ABCC12: variants seen among roughly 807,000 people sequenced by gnomAD.
The protein encoded by ABCC12 is ATP-binding cassette sub-family C member 12.
ABCC12 carries 142 observed loss-of-function variants against 151.1 expected under a neutral mutation model. The ratio of observed to expected loss-of-function variants is 0.94; its 90% CI spans 0.82 to 1.08. ABCC12 has a LOEUF of 1.08. Among genes scored for constraint, ABCC12 ranks in the 50% least tolerant of loss-of-function variants. ABCC12 has a pLI of 0.00. For missense variants in ABCC12, 1,638 were observed against 1,691.1 expected, an observed-to-expected ratio of 0.97 and a Z score of 0.55; for synonymous variants, 645 against 646.4, an observed-to-expected ratio of 1.00 and a Z score of 0.03.
intron 15 of ABCC12, among the ~76,000 whole-genome samples, chr16:48,113,308 C>T (rs1179416231): frequency 6.6e-6 from 1 of 152,228 alleles, no homozygotes; most frequent in African/African-American, 2.4e-5. Context: ...CCTGTCTTAT[C>T]AGCTGATTTT....
At position 48,111,797 on chromosome 16, in the gene ABCC12, G is replaced by C. The variant is rs752327593; in HGVS notation, c.2103C>G (p.Asn701Lys). ...TTACCTTGAACTGCAATCCTCGCAG[G>C]TTGTGAATCAGTTTTGCATAGCGCC... is the stretch of plus-strand genomic sequence containing the variant. ...ERGRYAKLIH[N>K]LRGLQFKDPE... Residue 701 changes from asparagine (N) to lysine (K), a missense_variant, in exon 16 of 31, where the codon AAC (asparagine) becomes AAG (lysine). By Grantham distance (94) the Asn-to-Lys change is moderately conservative (BLOSUM62 0). Coordinates refer to ENST00000311303, the MANE Select transcript of ABCC12 (RefSeq NM_001393797.1). 3.7e-6 allele frequency: 6 copies of C among 1,614,120 alleles called. 1 individual carries two copies. The South Asian group carries it at 6.6e-5, about 18-fold the overall frequency.
intron 26 of ABCC12, among the ~76,000 whole-genome samples, chr16:48,088,286 C>T (rs1479894802): frequency 6.6e-6 from 1 of 152,154 alleles, no homozygotes; most frequent in Non-Finnish European, 1.5e-5. Flanking sequence ...CTTGCAGGGG[C>T]CCTTAGCACA....
At chr16:48,150,126 A>G (rs543679399) in intron 2 of ABCC12, among the ~76,000 whole-genome samples, 2 of 152,324 alleles carry the variant, frequency 1.3e-5, no homozygotes, top group South Asian at 2.1e-4. Context: ...GCAGTCAGAT[A>G]CAGAGTGGCC....
intron 18 of ABCC12, among the ~76,000 whole-genome samples, chr16:48,110,180 T>A (rs1178558017): frequency 6.6e-6 from 1 of 152,200 alleles, no homozygotes; most frequent in Non-Finnish European, 1.5e-5. Flanking sequence ...TGTGCGTGCA[T>A]TTGTCACAAG....
rs753873505 is a variant in ABCC12 at position 48,088,666 on chromosome 16, C to T, written c.3354G>A (p.Gly1118=). Residue 1118 remains glycine (G), a synonymous_variant, in exon 26 of 31, where the codon GGG becomes GGA. Coordinates refer to ENST00000311303, the MANE Select transcript of ABCC12 (RefSeq NM_001393797.1). ...TCTGATAGTCTCTGAAGGTGATCTCCCCACGGCTGGGCCAGTCCTTGGGAC... is the reference window on the plus strand; with the variant it reads ...TCTGATAGTCTCTGAAGGTGATCTCTCCACGGCTGGGCCAGTCCTTGGGAC... ...GTCPKDWPSR[G]EITFRDYQMR... 1.6e-5 allele frequency: 26 copies of T among 1,614,072 alleles called. 1 individual carries two copies. The South Asian group carries it at 2.5e-4, about 16-fold the overall frequency.
chr16:48,089,338 A>G (rs1962779421), intron 25 of ABCC12, among the ~76,000 whole-genome samples: 1 of 152,248 alleles, frequency 6.6e-6, no homozygotes, highest in South Asian at 2.1e-4. Context: ...GCAGAACTCA[A>G]CCAGATATAA....
In ABCC12 at chr16:48,140,753, C is replaced by G; in HGVS notation, c.591G>C (p.Ala197=). The G allele has an allele frequency of 6.2e-7, 1 of 1,614,168 alleles. No individual in the cohort carries two copies. The highest frequency in any genetic ancestry group is 1.1e-5 in the South Asian group (1 of 91,084). ...NYRTAIRLKV[A]LSTLVFENLV... is the part of the protein sequence containing the mutation. Reference sequence around the variant, plus strand: ...GGTTTTCAAAAACCAAGGTGGAGAGCGCCACCTTCAACCGGATGGCCGTGC... The same window carrying G: ...GGTTTTCAAAAACCAAGGTGGAGAGGGCCACCTTCAACCGGATGGCCGTGC... Residue 197 remains alanine, a synonymous_variant, in exon 6 of 31, where the codon GCG becomes GCC. Transcript: ENST00000311303.
chr16:48,119,282 C>T (rs1188971617), intron 13 of ABCC12, among the ~76,000 whole-genome samples: 1 of 152,236 alleles, frequency 6.6e-6, no homozygotes, highest in Non-Finnish European at 1.5e-5. Flanking sequence ...TGGCTCATTC[C>T]TCCCTGGTGC....
In ABCC12 at chr16:48,084,026, G is replaced by A. The variant is rs1227598547; in HGVS notation, c.3876C>T (p.Asp1292=). 1.9e-6 allele frequency: 3 copies of A among 1,612,696 alleles called. No individual in the cohort carries two copies. Among genetic ancestry groups the A allele is most frequent in the Non-Finnish European group, 2.5e-6 (3 of 1,179,720 alleles). ...EATASMDSKT[D]TLVQNTIKDA... ...CTTTGATGGTGTTCTGAACCAGGGTGTCAGTCTTGGAGTCCATAGAGGCGG... is the reference window on the plus strand; with the variant it reads ...CTTTGATGGTGTTCTGAACCAGGGTATCAGTCTTGGAGTCCATAGAGGCGG... Residue 1292 remains aspartate, a synonymous_variant, in exon 30 of 31, where the codon GAC becomes GAT. Transcript: ENST00000311303.
intron 23 of ABCC12, among the ~76,000 whole-genome samples, chr16:48,099,210 G>C (rs1180564149): frequency 3.9e-5 from 6 of 152,104 alleles, no homozygotes; most frequent in African/African-American, 1.4e-4. Flanking sequence ...TTGAGGTCAG[G>C]AGTTTGAGAC....
At chr16:48,116,723 G>A (rs1963896100) in intron 14 of ABCC12, among the ~76,000 whole-genome samples, 3 of 152,168 alleles carry the variant, frequency 2.0e-5, no homozygotes, top group Admixed American at 1.3e-4. Flanking sequence ...CTCCTCTGGG[G>A]CTCCTGGGCA....
chr16:48,151,395 T>A (rs1418303104), intron 2 of ABCC12, among the ~76,000 whole-genome samples: 1 of 152,128 alleles, frequency 6.6e-6, no homozygotes, highest in Non-Finnish European at 1.5e-5. Context: ...AAGGGGCACC[T>A]AAGGAGACCT....
Position 48,140,922 on chromosome 16 carries a change from T to G in ABCC12, c.424-2A>C. 1 of 1,612,654 alleles carries G rather than the reference T, an allele frequency of 6.2e-7. No homozygotes were observed. Among genetic ancestry groups the G allele is most frequent in the East Asian group, 2.2e-5 (1 of 44,858 alleles). Reference sequence around the variant, plus strand: ...GAGGATTTGGTGAATGAGAACTGTCTGTAAAACAGCATGGTGGGGAGAAGA... The same window carrying G: ...GAGGATTTGGTGAATGAGAACTGTCGGTAAAACAGCATGGTGGGGAGAAGA... On this transcript the variant is annotated splice_acceptor_variant, in intron 5 of 30. Coordinates refer to ENST00000311303, the MANE Select transcript of ABCC12 (RefSeq NM_001393797.1). LOFTEE classifies it high-confidence loss of function.
At position 48,124,229 on chromosome 16, in the gene ABCC12, G is replaced by A; in HGVS notation, c.1571C>T (p.Ala524Val). The change falls in exon 12 of 31, where the codon GCA becomes GTA. Residue 524 changes from alanine to valine, a missense_variant. Ala to Val is a moderately conservative substitution (Grantham distance 64). Transcript: ENST00000311303. ...ACAGCTTACCTGTCCTAGGAGAGCT[G>A]CAAGGAGGGAGCTCTTTCCACTTCC... The part of the protein sequence containing the change: ...NVGSGKSSLL[A>V]ALLGQMQLQK... 6.2e-7 allele frequency: 1 copy of A among 1,614,152 alleles called. No homozygotes were observed. Among genetic ancestry groups the A allele is most frequent in the Non-Finnish European group, 8.5e-7 (1 of 1,179,986 alleles).
intron 12 of ABCC12, 95 bp from the exon 13 acceptor site, chr16:48,121,935 C>T (rs972683839): frequency 3.8e-6 from 6 of 1,563,138 alleles, no homozygotes; most frequent in Non-Finnish European, 5.2e-6. Context: ...ATTCCACAAG[C>T]ATTGGTTATG....
intron 24 of ABCC12, among the ~76,000 whole-genome samples, chr16:48,092,880 A>G (rs541926400): frequency 1.3e-5 from 2 of 152,286 alleles, no homozygotes; most frequent in East Asian, 1.9e-4. Context: ...CTCTAGTAAG[A>G]AGCAAGCGGT....
Position 48,128,440 on chromosome 16 carries a change from C to G in ABCC12, c.1515+19G>C, listed in dbSNP as rs755181581. 2.1e-5 allele frequency: 34 copies of G among 1,611,666 alleles called. No homozygotes were observed. The highest frequency in any genetic ancestry group is 1.7e-4 in the Middle Eastern group (1 of 6,018). ...CAAGGAGGAGGGCTGGAGGCCACAC[C>G]TGTGCAACACACACCCACCTTTCTC... On this transcript the variant is annotated intron_variant, in intron 11 of 30. Coordinates refer to ENST00000311303, the MANE Select transcript of ABCC12 (RefSeq NM_001393797.1).
At chr16:48,130,048 A>C (rs2150653523) in intron 10 of ABCC12, among the ~76,000 whole-genome samples, 1 of 152,328 alleles carries the variant, frequency 6.6e-6, no homozygotes, top group South Asian at 2.1e-4. Flanking sequence ...GAGTGCATGA[A>C]TCAGGATGCT....
At chr16:48,152,725 G>A (rs190293075) in intron 2 of ABCC12, among the ~76,000 whole-genome samples, 27 of 152,312 alleles carry the variant, frequency 1.8e-4, no homozygotes, top group Admixed American at 1.2e-3. Context: ...AAGACGGCCC[G>A]CATGCAGTAT....
Sources: gnomAD v4.1 joint callset for allele counts (sites outside exome capture counted in the v4.1 genomes callset) on GRCh38, gnomAD v4.1.1 for gene constraint, MANE v1.5 for transcripts, NCBI Gene and HGNC (gene_info 2026-07-23, HGNC 2026-07-21) for gene names.